The following LDLRAD3 variants were observed in gnomAD, a reference collection of about 807,000 sequenced individuals.
The protein encoded by LDLRAD3 is low density lipoprotein receptor class A domain containing 3.
LDLRAD3 carries 20 observed loss-of-function variants against 29.4 expected under a neutral mutation model. That is an observed-to-expected ratio of 0.68 (90% confidence interval 0.48 to 0.99). LDLRAD3 has a LOEUF of 0.99. Ranked by LOEUF, LDLRAD3 falls within the 50% of genes least tolerant of loss-of-function variation. The pLI is 0.00. For missense variants in LDLRAD3, 420 were observed against 454.3 expected (o/e 0.92, Z 0.69); for synonymous variants, 157 against 192.7 (o/e 0.81, Z 1.53).
chr11:36,018,944 A>G (rs778095265), intron 1 of LDLRAD3, among the ~76,000 whole-genome samples: 2 of 151,984 alleles, frequency 1.3e-5, no homozygotes, highest in Non-Finnish European at 2.9e-5. Flanking sequence ...AGGAGTTCCA[A>G]TTAGGGACAT....
At chr11:36,202,820 GGAA>G (rs1209242369) in intron 4 of LDLRAD3, among the ~76,000 whole-genome samples, 2 of 152,192 alleles carry the variant, frequency 1.3e-5, no homozygotes, top group African/African-American at 4.8e-5. Flanking sequence ...CAGGGAGCTA[GGAA>G]GAAGGACACG....
At chr11:36,066,205 A>T (rs1219187174) in intron 2 of LDLRAD3, among the ~76,000 whole-genome samples, 5 of 147,620 alleles carry the variant, frequency 3.4e-5, no homozygotes, top group Admixed American at 1.4e-4. Context: ...GTTAGGAGTC[A>T]TCCCTTAGAT....
Position 36,168,486 on chromosome 11 carries a change from T to A in LDLRAD3, c.455-58599T>A, listed in dbSNP as rs568394671. Among the ~76,000 whole-genome samples, 30 of 142,708 alleles carry A rather than the reference T, an allele frequency of 2.1e-4. No individual in the cohort carries two copies. In the South Asian group the frequency reaches 5.5e-3, roughly 26 times the overall value. The allele number at this position is 142,708 out of a possible 152,430, so 93.6% of individuals were successfully genotyped here. A position where few individuals can be genotyped will look rare whatever the true frequency, so the allele number is the denominator to read the frequency against. ...GATGGATAAATGATTTTATTCCGTT[T>A]TTTTCTTTCTTCTTTTTTTTTTTTT... On this transcript the variant is annotated intron_variant, in intron 4 of 5. Transcript: ENST00000315571.
intron 4 of LDLRAD3, chr11:36,163,634 A>G (rs1854474889): frequency 7.2e-6 from 1 of 138,692 alleles, no homozygotes; most frequent in South Asian, 2.6e-4. Context: ...TCCTGCACCC[A>G]TTTGATAACC....
chr11:36,127,896 C>G (rs1333969940), intron 4 of LDLRAD3, among the ~76,000 whole-genome samples: 1 of 151,696 alleles, frequency 6.6e-6, no homozygotes, highest in South Asian at 2.1e-4. Context: ...TATGCACTTG[C>G]CTTTACTTTC....
chr11:35,964,700 G>C (rs934118038), intron 1 of LDLRAD3, among the ~76,000 whole-genome samples: 1 of 152,128 alleles, frequency 6.6e-6, no homozygotes, highest in African/African-American at 2.4e-5. Flanking sequence ...TGTAAATTAG[G>C]GTTGAGCCTG....
At chr11:36,049,837 T>A (rs905972339) in intron 2 of LDLRAD3, among the ~76,000 whole-genome samples, 1 of 152,188 alleles carries the variant, frequency 6.6e-6, no homozygotes, top group Non-Finnish European at 1.5e-5. Flanking sequence ...GTCCTTGCCC[T>A]TCATTTTGGT....
intron 1 of LDLRAD3, among the ~76,000 whole-genome samples, chr11:35,986,819 A>G (rs1009660951): frequency 3.3e-5 from 5 of 152,234 alleles, no homozygotes; most frequent in Admixed American, 6.5e-5. Flanking sequence ...ACTCTCTGCC[A>G]CAGATGATGC....
chr11:35,984,202 T>C (rs979699894), intron 1 of LDLRAD3, among the ~76,000 whole-genome samples: 1 of 152,216 alleles, frequency 6.6e-6, no homozygotes, highest in African/African-American at 2.4e-5. Context: ...TTCAGCCTCA[T>C]GTGCAGCTGA....
intron 4 of LDLRAD3, among the ~76,000 whole-genome samples, chr11:36,163,978 G>A (rs892258111): frequency 6.6e-6 from 1 of 152,166 alleles, no homozygotes; most frequent in African/African-American, 2.4e-5. Context: ...TCTATGTCCT[G>A]CCTGACTGGA....
chr11:36,106,983 G>T (rs1421795731), intron 4 of LDLRAD3, among the ~76,000 whole-genome samples: 1 of 152,154 alleles, frequency 6.6e-6, no homozygotes, highest in Non-Finnish European at 1.5e-5. Context: ...GGTCCAAGGA[G>T]AATGCAGTGG....
At chr11:36,188,582 T>A (rs1854891320) in intron 4 of LDLRAD3, among the ~76,000 whole-genome samples, 2 of 152,138 alleles carry the variant, frequency 1.3e-5, no homozygotes, top group South Asian at 4.2e-4. Context: ...GGAAGATTAG[T>A]TGAAATTTCG....
At chr11:36,140,002 T>C (rs776140564) in intron 4 of LDLRAD3, among the ~76,000 whole-genome samples, 1 of 152,150 alleles carries the variant, frequency 6.6e-6, no homozygotes, top group Non-Finnish European at 1.5e-5. Flanking sequence ...CTCTGGAAAA[T>C]GACATATCTC....
Position 36,136,584 on chromosome 11 carries a change from T to C in LDLRAD3, c.454+38123T>C, listed in dbSNP as rs573581461. On this transcript the variant is annotated intron_variant, in intron 4 of 5. Transcript: ENST00000315571. ...TGCTTTCACCATGTGACATGCCTGC[T>C]CCTCCTTCACCTTCTGCCATGATGG... Among the ~76,000 whole-genome samples, 24 of 152,176 alleles carry C rather than the reference T, an allele frequency of 1.6e-4. No individual in the cohort carries two copies. The South Asian group carries it at 4.2e-3, about 26-fold the overall frequency.
chr11:36,024,346 C>CTATATA lies in LDLRAD3; in HGVS notation c.47-11752_47-11751insATATAT, dbSNP rs1457620625. Among the ~76,000 whole-genome samples the CTATATA allele has an allele frequency of 2.6e-5, 4 of 152,006 alleles. No homozygotes were observed. In the East Asian group the frequency reaches 7.7e-4, roughly 29 times the overall value. Reference sequence around the variant, plus strand: ...TCTATATCTATAGCTATATCCATATCTATATCTATAGCCATATCTTTGTCA... The same window carrying CTATATA: ...TCTATATCTATAGCTATATCCATATCTATATATATATCTATAGCCATATCTTTGTCA... On this transcript the variant is annotated intron_variant, in intron 1 of 5. Transcript: ENST00000315571.
intron 4 of LDLRAD3, among the ~76,000 whole-genome samples, chr11:36,136,572 T>C (rs1854007097): frequency 6.6e-6 from 1 of 152,144 alleles, no homozygotes; most frequent in Non-Finnish European, 1.5e-5. Context: ...TTTCACCATG[T>C]GACATGCCTG....
chr11:35,960,500 G>A (rs564007118), intron 1 of LDLRAD3, among the ~76,000 whole-genome samples: 1 of 152,334 alleles, frequency 6.6e-6, no homozygotes, highest in South Asian at 2.1e-4. Context: ...GTTTATGAGA[G>A]CATCTGTTTC....
At chr11:36,023,735 C>T (rs886461697) in intron 1 of LDLRAD3, among the ~76,000 whole-genome samples, 6 of 152,242 alleles carry the variant, frequency 3.9e-5, no homozygotes, top group Non-Finnish European at 7.4e-5. Flanking sequence ...CTGTTACTGC[C>T]TTACTTTATG....
At chr11:36,133,694 T>C (rs915278215) in intron 4 of LDLRAD3, among the ~76,000 whole-genome samples, 4 of 151,544 alleles carry the variant, frequency 2.6e-5, no homozygotes, top group South Asian at 2.1e-4. Context: ...CCACCACGCC[T>C]GGCTAATTTT....
Sources: allele counts gnomAD v4.1 joint callset (sites outside exome capture counted in the v4.1 genomes callset), GRCh38; gene constraint gnomAD v4.1.1; transcripts MANE v1.5; gene names NCBI Gene and HGNC (gene_info 2026-07-23, HGNC 2026-07-21).